Variants in DTNB observed in about 807,000 individuals in gnomAD.
DTNB encodes the protein dystrobrevin beta, also known as DTN-B.
DTNB carries 63 observed loss-of-function variants against 90.7 expected under a neutral mutation model. The observed-to-expected ratio is 0.69, with a 90% CI of 0.57 to 0.86. The LOEUF (loss-of-function observed/expected upper bound fraction) is 0.86. DTNB is among the 40% of genes least tolerant of loss of function. The probability of loss-of-function intolerance (pLI) is 0.00; values close to 1 mark genes in which losing one functional copy is unlikely to be tolerated. For missense variants in DTNB, 744 were observed against 807.1 expected (o/e 0.92, Z 0.95); for synonymous variants, 277 against 286.7 (o/e 0.97, Z 0.34).
At chr2:25,406,984 G>T (rs1446421729) in intron 16 of DTNB, among the ~76,000 whole-genome samples, 5 of 152,140 alleles carry the variant, frequency 3.3e-5, no homozygotes, top group Non-Finnish European at 4.4e-5. Flanking sequence ...GCAATTAACA[G>T]AAAATTATAT....
At chr2:25,492,069 C>G (rs1348394591) in intron 9 of DTNB, among the ~76,000 whole-genome samples, 1 of 152,006 alleles carries the variant, frequency 6.6e-6, no homozygotes. Context: ...CAGGAAAACA[C>G]TTAAGGATAT....
At chr2:25,666,526 A>G (rs894958350) in intron 1 of DTNB, among the ~76,000 whole-genome samples, 2 of 152,198 alleles carry the variant, frequency 1.3e-5, no homozygotes, top group African/African-American at 4.8e-5. Flanking sequence ...TAACAAAGAA[A>G]AAAGTCTTTG....
intron 4 of DTNB, among the ~76,000 whole-genome samples, chr2:25,608,321 A>C (rs1263858517): frequency 6.6e-6 from 1 of 152,252 alleles, no homozygotes; most frequent in Non-Finnish European, 1.5e-5. Flanking sequence ...ATACAGAAAG[A>C]TCACACCTGA....
chr2:25,560,741 G>A (rs1192195151), intron 8 of DTNB, among the ~76,000 whole-genome samples: 1 of 152,138 alleles, frequency 6.6e-6, no homozygotes, highest in African/African-American at 2.4e-5. Flanking sequence ...CCACCCTATT[G>A]AGTCTGTTTC....
intron 9 of DTNB, among the ~76,000 whole-genome samples, chr2:25,524,092 G>C (rs1400693172): frequency 1.3e-5 from 2 of 151,884 alleles, no homozygotes; most frequent in Non-Finnish European, 2.9e-5. Flanking sequence ...GTAGAGATGA[G>C]GTTTCTCCAT....
intron 2 of DTNB, among the ~76,000 whole-genome samples, chr2:25,649,284 C>T (rs981918950): frequency 5.3e-5 from 8 of 152,090 alleles, no homozygotes; most frequent in Admixed American, 4.6e-4. Flanking sequence ...GCATTATAGG[C>T]GTGAGCCACC....
intron 16 of DTNB, among the ~76,000 whole-genome samples, chr2:25,402,360 C>T (rs773029824): frequency 1.3e-5 from 2 of 152,214 alleles, no homozygotes; most frequent in African/African-American, 2.4e-5. Flanking sequence ...AGCAAGGAAG[C>T]AGGCAATGAA....
intron 12 of DTNB, among the ~76,000 whole-genome samples, chr2:25,445,156 T>C (rs1001539882): frequency 1.3e-5 from 2 of 152,202 alleles, no homozygotes; most frequent in African/African-American, 4.8e-5. Flanking sequence ...AGTAAGACTA[T>C]ATAACGGCAT....
At chr2:25,640,740 C>T (rs1360721744) in intron 2 of DTNB, among the ~76,000 whole-genome samples, 3 of 152,132 alleles carry the variant, frequency 2.0e-5, no homozygotes, top group Non-Finnish European at 4.4e-5. Context: ...GGCGCGGTGG[C>T]TCATGCCTGT....
At chr2:25,539,640 A>G (rs2080724438) in intron 8 of DTNB, among the ~76,000 whole-genome samples, 1 of 146,336 alleles carries the variant, frequency 6.8e-6, no homozygotes, top group Admixed American at 6.9e-5. Flanking sequence ...TTTTAACCCT[A>G]GGAAAGTTGT....
intron 1 of DTNB, among the ~76,000 whole-genome samples, chr2:25,661,894 C>T (rs1398481080): frequency 1.3e-5 from 2 of 152,116 alleles, no homozygotes; most frequent in African/African-American, 4.8e-5. Flanking sequence ...GTGGCTCCCA[C>T]CTGTAATCCC....
At chr2:25,517,605 T>C (rs2075351928) in intron 9 of DTNB, among the ~76,000 whole-genome samples, 1 of 152,136 alleles carries the variant, frequency 6.6e-6, no homozygotes, top group Admixed American at 6.5e-5. Flanking sequence ...GCAATCTCTG[T>C]AAAAAACAAT....
chr2:25,400,880 G>A (rs2384232), intron 16 of DTNB, among the ~76,000 whole-genome samples: 56,941 of 151,948 alleles, frequency 0.37, 12,027 homozygotes, highest in East Asian at 0.6. Context: ...TAGAGCCAGT[G>A]AAACATTACA....
At chr2:25,496,348 G>C (rs1256522979) in intron 9 of DTNB, among the ~76,000 whole-genome samples, 4 of 152,074 alleles carry the variant, frequency 2.6e-5, no homozygotes, top group Non-Finnish European at 5.9e-5. Context: ...GCTAAGTCCT[G>C]TATTTAAGAA....
chr2:25,538,899 A>C (rs149191921), intron 8 of DTNB, among the ~76,000 whole-genome samples: 1 of 152,310 alleles, frequency 6.6e-6, no homozygotes, highest in African/African-American at 2.4e-5. Context: ...TCCTCTCCTG[A>C]TAATCACTAT....
In DTNB at chr2:25,628,379, G is replaced by C. The variant is rs769338296; in HGVS notation, c.154C>G (p.Leu52Val). Residue 52 changes from leucine (L) to valine (V), a missense_variant, in exon 4 of 21, where the codon CTT (leucine) becomes GTT (valine). Physicochemically the swap from Leu to Val is conservative, Grantham distance 32. Transcript: ENST00000406818. Reference protein sequence around the residue: ...RFVQKRCNLHLVDIWNMIEAF... With the variant: ...RFVQKRCNLHVVDIWNMIEAF... Reference sequence around the variant, plus strand: ...TCAATCATGTTCCAGATATCAACAAGATGAACTAAAAGACAAAGAAAATAA... The same window carrying C: ...TCAATCATGTTCCAGATATCAACAACATGAACTAAAAGACAAAGAAAATAA... The C allele has an allele frequency of 3.7e-6, 6 of 1,612,374 alleles. No homozygotes were observed. In the East Asian group the frequency reaches 1.1e-4, roughly 30 times the overall value.
chr2:25,570,374 C>T (rs1469186109), intron 8 of DTNB, among the ~76,000 whole-genome samples: 1 of 129,000 alleles, frequency 7.8e-6, no homozygotes, highest in Non-Finnish European at 1.5e-5. Flanking sequence ...CGCCACTGCA[C>T]TCCAGATGGA....
At chr2:25,558,739 T>C (rs913266395) in intron 8 of DTNB, among the ~76,000 whole-genome samples, 2 of 152,194 alleles carry the variant, frequency 1.3e-5, no homozygotes, top group Non-Finnish European at 2.9e-5. Context: ...AACAACACAG[T>C]AGAATTGGGC....
chr2:25,420,467 A>AATCT (rs70947889), intron 15 of DTNB, among the ~76,000 whole-genome samples: 15,717 of 145,344 alleles, frequency 0.11, 961 homozygotes, highest in East Asian at 0.25. Context: ...CATCTAAATC[A>AATCT]ATCTATCTAT....
Sources: allele counts gnomAD v4.1 joint callset (sites outside exome capture counted in the v4.1 genomes callset), GRCh38; gene constraint gnomAD v4.1.1; transcripts MANE v1.5; gene names NCBI Gene and HGNC (gene_info 2026-07-23, HGNC 2026-07-21).